The following XKR4 variants were observed in gnomAD, a reference collection of about 807,000 sequenced individuals.
XKR4 encodes the protein XK-related protein 4.
In XKR4, 12 loss-of-function variants were observed where a neutral mutation model predicts 53.9. The ratio of observed to expected loss-of-function variants is 0.22; its 90% CI spans 0.14 to 0.36. XKR4 has a LOEUF of 0.36. Ranked by LOEUF, XKR4 falls within the 10% of genes least tolerant of loss-of-function variation. The pLI is 1.00. For missense variants in XKR4, 799 were observed against 859.5 expected (o/e 0.93, Z 0.88); for synonymous variants, 354 against 362.4 (o/e 0.98, Z 0.26).
At chr8:55,410,091 A>T (rs1243351326) in intron 2 of XKR4, among the ~76,000 whole-genome samples, 1 of 119,934 alleles carries the variant, frequency 8.3e-6, no homozygotes, top group Admixed American at 7.7e-5. Context: ...TTTGCCTTTA[A>T]AAAAAAAAAA....
intron 1 of XKR4, among the ~76,000 whole-genome samples, chr8:55,127,037 C>A (rs112455857): frequency 2.0e-3 from 303 of 152,260 alleles, no homozygotes; most frequent in African/African-American, 7.0e-3. Flanking sequence ...ACTAATCATA[C>A]ATAGCAAGTG....
intron 1 of XKR4, among the ~76,000 whole-genome samples, chr8:55,274,862 G>A (rs183444083): frequency 3.3e-5 from 5 of 152,268 alleles, no homozygotes; most frequent in African/African-American, 1.2e-4. Context: ...ACTTAAACAT[G>A]GGGAAGTGGG....
chr8:55,453,918 C>A, intron 2 of XKR4: 1 of 634,820 alleles, frequency 1.6e-6, no homozygotes, highest in Admixed American at 2.0e-5. Context: ...AAGGCCATGC[C>A]CTCCAGCACA....
chr8:55,406,479 A>G (rs1224331255), intron 2 of XKR4, among the ~76,000 whole-genome samples: 1 of 152,144 alleles, frequency 6.6e-6, no homozygotes, highest in Non-Finnish European at 1.5e-5. Context: ...AATCCCACAG[A>G]TCATATACAT....
chr8:55,217,740 A>AGATAGATC (rs1817825734), intron 1 of XKR4, among the ~76,000 whole-genome samples: 1 of 25,458 alleles, frequency 3.9e-5, no homozygotes, highest in South Asian at 1.2e-3. Context: ...AAGACAGATT[A>AGATAGATC]GATAGATAGA....
At chr8:55,324,966 G>A (rs1051220654) in intron 1 of XKR4, among the ~76,000 whole-genome samples, 1 of 151,910 alleles carries the variant, frequency 6.6e-6, no homozygotes, top group East Asian at 1.9e-4. Flanking sequence ...GTCACTGATT[G>A]TTTAATGTAT....
intron 1 of XKR4, among the ~76,000 whole-genome samples, chr8:55,329,669 C>T (rs958100869): frequency 1.1e-4 from 16 of 152,196 alleles, no homozygotes; most frequent in Admixed American, 7.2e-4. Context: ...GAACTCCTTC[C>T]CTTGTTCCTT....
intron 1 of XKR4, among the ~76,000 whole-genome samples, chr8:55,269,611 T>G (rs140447483): frequency 6.6e-6 from 1 of 152,288 alleles, no homozygotes; most frequent in Non-Finnish European, 1.5e-5. Context: ...AGAGTTGTCA[T>G]GCATACACTA....
chr8:55,352,184 A>G (rs1803733533), intron 1 of XKR4, among the ~76,000 whole-genome samples: 1 of 152,254 alleles, frequency 6.6e-6, no homozygotes, highest in African/African-American at 2.4e-5. Flanking sequence ...GGCCAGTTTT[A>G]CCCGGGTGGG....
intron 2 of XKR4, 66 bp from the exon 3 acceptor site, chr8:55,523,215 T>TCACACAG: frequency 7.1e-7 from 1 of 1,403,670 alleles, no homozygotes; most frequent in South Asian, 1.4e-5. Context: ...CCCAGCTCTG[T>TCACACAG]GTGACTTCCA....
At chr8:55,159,202 A>T (rs1816950081) in intron 1 of XKR4, among the ~76,000 whole-genome samples, 2 of 151,972 alleles carry the variant, frequency 1.3e-5, no homozygotes, top group Admixed American at 6.6e-5. Flanking sequence ...ATATTTCACC[A>T]CCCTGGTTAG....
chr8:55,436,635 CAATT>C (rs1417297958), intron 2 of XKR4, among the ~76,000 whole-genome samples: 1 of 152,156 alleles, frequency 6.6e-6, no homozygotes, highest in Non-Finnish European at 1.5e-5. Context: ...CACAGACTGA[CAATT>C]TATTGTGAAG....
intron 1 of XKR4, among the ~76,000 whole-genome samples, chr8:55,219,388 A>G (rs1817850716): frequency 6.6e-6 from 1 of 152,094 alleles, no homozygotes; most frequent in South Asian, 2.1e-4. Flanking sequence ...TGGATTACAC[A>G]GCTCTTGTGT....
At chr8:55,327,576 A>G (rs1313174335) in intron 1 of XKR4, among the ~76,000 whole-genome samples, 1 of 152,232 alleles carries the variant, frequency 6.6e-6, no homozygotes, top group East Asian at 1.9e-4. Flanking sequence ...TCTAATTATT[A>G]TAGTTCTAAA....
intron 2 of XKR4, among the ~76,000 whole-genome samples, chr8:55,422,993 A>T (rs1253293967): frequency 6.6e-6 from 1 of 152,246 alleles, no homozygotes; most frequent in African/African-American, 2.4e-5. Context: ...AATGACATTA[A>T]GTCTAAGACA....
At chr8:55,500,414 G>C (rs1239482415) in intron 2 of XKR4, among the ~76,000 whole-genome samples, 1 of 152,086 alleles carries the variant, frequency 6.6e-6, no homozygotes, top group Non-Finnish European at 1.5e-5. Context: ...TCATTATGAT[G>C]CTTATTTTAC....
At chr8:55,236,519 G>A (rs1424169465) in intron 1 of XKR4, among the ~76,000 whole-genome samples, 1 of 152,160 alleles carries the variant, frequency 6.6e-6, no homozygotes, top group African/African-American at 2.4e-5. Flanking sequence ...GGCCCACAGA[G>A]CTGTCCTTAG....
intron 2 of XKR4, among the ~76,000 whole-genome samples, chr8:55,443,989 G>T (rs765205117): frequency 6.6e-6 from 1 of 152,120 alleles, no homozygotes; most frequent in Non-Finnish European, 1.5e-5. Flanking sequence ...TGGCCAACAT[G>T]GCAAAGCCCT....
At chr8:55,282,515 T>C (rs941595264) in intron 1 of XKR4, among the ~76,000 whole-genome samples, 4 of 152,112 alleles carry the variant, frequency 2.6e-5, no homozygotes, top group Non-Finnish European at 5.9e-5. Flanking sequence ...TGGTGCTAGA[T>C]GGAGCAATAG....
Sources: gnomAD v4.1 joint callset for allele counts (sites outside exome capture counted in the v4.1 genomes callset) on GRCh38, gnomAD v4.1.1 for gene constraint, MANE v1.5 for transcripts, NCBI Gene and HGNC (gene_info 2026-07-23, HGNC 2026-07-21) for gene names.